The following MEGF11 variants were observed in gnomAD, a reference collection of about 807,000 sequenced individuals.
MEGF11 encodes the protein multiple EGF like domains 11.
A neutral mutation model predicts 146.6 loss-of-function variants in MEGF11; 126 were observed. That is an observed-to-expected ratio of 0.86 (90% CI 0.74 to 1.00). The LOEUF (loss-of-function observed/expected upper bound fraction) is 1.00. Among genes scored for constraint, MEGF11 ranks in the 50% least tolerant of loss-of-function variants. The pLI, the probability that MEGF11 is intolerant of heterozygous loss-of-function variation, is 0.00. For missense variants in MEGF11, 1,509 were observed against 1,521.2 expected (o/e 0.99, Z 0.13); for synonymous variants, 532 against 583.4 (o/e 0.91, Z 1.27).
chr15:65,969,279 A>T (rs892028886), intron 8 of MEGF11, among the ~76,000 whole-genome samples: 4 of 152,178 alleles, frequency 2.6e-5, no homozygotes, highest in African/African-American at 9.7e-5. Context: ...GAGAAAGTGG[A>T]CTGAAAAAGG....
At chr15:65,965,339 C>A in intron 8 of MEGF11, 1 of 474,504 alleles carries the variant, frequency 2.1e-6, no homozygotes, top group East Asian at 3.3e-5. Flanking sequence ...CGGCTCAGTC[C>A]CCCCAGCAAT....
At chr15:66,199,490 G>C (rs1438133760) in intron 1 of MEGF11, among the ~76,000 whole-genome samples, 1 of 152,012 alleles carries the variant, frequency 6.6e-6, no homozygotes, top group Non-Finnish European at 1.5e-5. Flanking sequence ...CCATCAACTG[G>C]GCCAGGACCC....
At chr15:66,117,991 A>C (rs2087816315) in intron 4 of MEGF11, among the ~76,000 whole-genome samples, 1 of 152,172 alleles carries the variant, frequency 6.6e-6, no homozygotes, top group South Asian at 2.1e-4. Context: ...TTTTATTCCC[A>C]ACATCAACAC....
At position 66,243,155 on chromosome 15, in the gene MEGF11, G is replaced by A. The variant is rs1032384256; in HGVS notation, c.-9+10450C>T. 3.9e-5 allele frequency among the ~76,000 whole-genome samples: 6 copies of A among 152,178 alleles called. No individual in the cohort carries two copies. The East Asian group carries it at 7.7e-4, about 20-fold the overall frequency. The stretch of plus-strand genomic sequence containing the variant: ...ACTCTGGGCAAGGCACCTAACCTCC[G>A]GATCTCGGTTTCCCCATTTGCCCCT... On this transcript the variant is annotated intron_variant, in intron 1 of 25. Transcript: ENST00000395614.
At chr15:66,191,387 A>T (rs1401937169) in intron 1 of MEGF11, among the ~76,000 whole-genome samples, 1 of 152,192 alleles carries the variant, frequency 6.6e-6, no homozygotes, top group African/African-American at 2.4e-5. Context: ...TCTGCATCAC[A>T]TAGTTGGGTG....
intron 4 of MEGF11, among the ~76,000 whole-genome samples, chr15:66,099,901 G>A (rs2086715837): frequency 6.6e-6 from 1 of 152,108 alleles, no homozygotes; most frequent in Non-Finnish European, 1.5e-5. Flanking sequence ...CTGGGACTGG[G>A]AGTGGGGAAG....
chr15:66,047,253 TTTG>T (rs1567216979), intron 5 of MEGF11, among the ~76,000 whole-genome samples: 2 of 152,234 alleles, frequency 1.3e-5, no homozygotes, highest in African/African-American at 4.8e-5. Context: ...AAGAGCTTTT[TTTG>T]TTGTTGTATG....
chr15:66,095,758 C>G (rs1015898169), intron 4 of MEGF11, among the ~76,000 whole-genome samples: 1 of 152,200 alleles, frequency 6.6e-6, no homozygotes, highest in African/African-American at 2.4e-5. Context: ...CACTGCAAGC[C>G]TGGGTTGTGG....
At chr15:66,124,674 G>T (rs1043196721) in intron 2 of MEGF11, among the ~76,000 whole-genome samples, 2 of 152,204 alleles carry the variant, frequency 1.3e-5, no homozygotes, top group African/African-American at 4.8e-5. Flanking sequence ...AGTATAGCTG[G>T]GGGTACATTG....
At chr15:66,006,286 C>G (rs1596980849) in intron 5 of MEGF11, among the ~76,000 whole-genome samples, 1 of 152,320 alleles carries the variant, frequency 6.6e-6, no homozygotes, top group East Asian at 1.9e-4. Context: ...GACTCAGTCC[C>G]TGCCAGCTCT....
chr15:65,971,577 A>C (rs1281161782), intron 7 of MEGF11, among the ~76,000 whole-genome samples: 2 of 152,152 alleles, frequency 1.3e-5, no homozygotes, highest in Non-Finnish European at 2.9e-5. Context: ...GCGCTCCTAA[A>C]GGCTGACTGC....
intron 7 of MEGF11, among the ~76,000 whole-genome samples, chr15:65,973,324 AAAAAC>A (rs1294053527): frequency 1.3e-5 from 2 of 152,230 alleles, no homozygotes; most frequent in Non-Finnish European, 1.5e-5. Context: ...AACTTGCCTC[AAAAAC>A]AAAACAAAAG....
At chr15:65,933,160 C>T (rs1157214438) in intron 10 of MEGF11, among the ~76,000 whole-genome samples, 6 of 152,166 alleles carry the variant, frequency 3.9e-5, no homozygotes, top group South Asian at 2.1e-4. Flanking sequence ...GAAGGCCCCA[C>T]GGTTCCTGCT....
rs565559908 is a variant in MEGF11 at position 66,149,849 on chromosome 15, G to C, written c.-8-21438C>G. 9.2e-5 allele frequency among the ~76,000 whole-genome samples: 14 copies of C among 152,350 alleles called. No individual in the cohort carries two copies. In the East Asian group the frequency reaches 9.7e-4, roughly 11 times the overall value. On this transcript the variant is annotated intron_variant, in intron 1 of 25. Coordinates refer to ENST00000395614, the MANE Select transcript of MEGF11 (RefSeq NM_001385028.1). The stretch of plus-strand genomic sequence containing the variant: ...GAGGTTCACCTGAGACACTCCTGAT[G>C]ATGGCCACACCAGGGCTTCCCAGCC...
intron 1 of MEGF11, among the ~76,000 whole-genome samples, chr15:66,241,419 C>T (rs2092206111): frequency 6.6e-6 from 1 of 152,172 alleles, no homozygotes; most frequent in Non-Finnish European, 1.5e-5. Flanking sequence ...CTACATTTTA[C>T]CTTGAAAACT....
chr15:66,019,614 G>C (rs564810211), intron 5 of MEGF11, among the ~76,000 whole-genome samples: 1 of 152,316 alleles, frequency 6.6e-6, no homozygotes, highest in African/African-American at 2.4e-5. Flanking sequence ...CAGCAGACCG[G>C]CTCCTCCAGG....
At chr15:66,027,318 C>T (rs1161409753) in intron 5 of MEGF11, among the ~76,000 whole-genome samples, 5 of 152,240 alleles carry the variant, frequency 3.3e-5, no homozygotes, top group African/African-American at 1.2e-4. Flanking sequence ...AACAACTTAT[C>T]ACCCTCTTCT....
intron 1 of MEGF11, among the ~76,000 whole-genome samples, chr15:66,147,378 C>T (rs2089412958): frequency 6.6e-6 from 1 of 152,214 alleles, no homozygotes; most frequent in Non-Finnish European, 1.5e-5. Flanking sequence ...AAGTGCCAGG[C>T]GTCAGGCAAG....
chr15:65,930,767 C>G (rs1292527374), intron 11 of MEGF11, 56 bp downstream of exon 11: 9 of 1,508,610 alleles, frequency 6.0e-6, no homozygotes, highest in African/African-American at 5.6e-5. Context: ...CTGGCAGCAC[C>G]ACCTGGGGAA....
Sources: allele counts gnomAD v4.1 joint callset (sites outside exome capture counted in the v4.1 genomes callset), GRCh38; gene constraint gnomAD v4.1.1; transcripts MANE v1.5; gene names NCBI Gene and HGNC (gene_info 2026-07-23, HGNC 2026-07-21).